MAPK8IP2: variants seen among roughly 807,000 people sequenced by gnomAD.
MAPK8IP2 encodes C-Jun-amino-terminal kinase-interacting protein 2.
Under a neutral mutation model 75.6 loss-of-function variants are expected in MAPK8IP2, and 15 were observed. The observed-to-expected ratio is 0.20, with a 90% CI of 0.13 to 0.31. The LOEUF (loss-of-function observed/expected upper bound fraction) is 0.31. MAPK8IP2 is among the 10% of genes least tolerant of loss of function. MAPK8IP2 has a pLI of 1.00. For synonymous variants in MAPK8IP2, 632 were observed against 554.5 expected (o/e 1.14, Z -1.96); for missense variants, 1,089 against 1,211.2 (o/e 0.90, Z 1.50).
rs2071178288 is a variant in MAPK8IP2, at chr22:50,613,180, C to T, written c.*2401C>T. 6.6e-6 allele frequency: 1 copy of T among 152,362 alleles called. No individual in the cohort carries two copies. The allele number at this position is 152,362 out of a possible 1,614,324, so 9.4% of individuals were successfully genotyped here. On this transcript the variant is annotated 3_prime_UTR_variant, in exon 12 of 12. Coordinates refer to ENST00000329492, the MANE Select transcript of MAPK8IP2 (RefSeq NM_012324.6). ...CCCTGTGCAGACCACTGGGCAGATC[C>T]AGCTGACCTCCAGGGGCACTTCCTC... is the stretch of plus-strand genomic sequence containing the variant.
rs2071028203 is a variant in MAPK8IP2, at chr22:50,605,253, G to A, written c.1766-115G>A. On this transcript the variant is annotated intron_variant, in intron 5 of 11. Coordinates refer to ENST00000329492, the MANE Select transcript of MAPK8IP2 (RefSeq NM_012324.6). ...TGCCTCAGCTCCTTCCCGCTCGTAG[G>A]ACACCTACACCGGACTGTGGAGGGG... 4.0e-5 allele frequency: 46 copies of A among 1,160,586 alleles called. 1 individual carries two copies. In the South Asian group the frequency reaches 5.9e-4, roughly 15 times the overall value. The allele number at this position is 1,160,586 out of a possible 1,614,324, so 71.9% of individuals were successfully genotyped here. A position where few individuals can be genotyped will look rare whatever the true frequency, so the allele number is the denominator to read the frequency against.
rs2146689333 is a variant in MAPK8IP2 at position 50,606,932 on chromosome 22, C to T, written c.2244C>T (p.Cys748=). The T allele has an allele frequency of 1.9e-6, 3 of 1,613,872 alleles. No individual in the cohort carries two copies. The highest frequency in any genetic ancestry group is 1.1e-5 in the South Asian group (1 of 91,086). ...LSGGGPEFQR[C]SHFFQMKNIS... is the part of the protein sequence containing the mutation. ...CACCTCTGCTCTAGTTCCAGCGCTG[C>T]AGCCATTTCTTCCAGATGAAGAACA... Residue 748 remains cysteine (C), a synonymous_variant, in exon 10 of 12, where the codon TGC becomes TGT. Transcript: ENST00000329492.
chr22:50,604,646 G>T lies in MAPK8IP2; in HGVS notation c.1347G>T (p.Leu449=). Residue 449 remains leucine (L), a synonymous_variant, in exon 5 of 12, where the codon CTG becomes CTT. Transcript: ENST00000329492. ...SNPTRDTITP[L]WAAPGRAARP... ...CCACGCGTGACACCATCACGCCGCT[G>T]TGGGCCGCGCCCGGCCGCGCCGCCC... is the stretch of plus-strand genomic sequence containing the variant. 1.3e-6 allele frequency: 2 copies of T among 1,520,470 alleles called. No homozygotes were observed. The highest frequency in any genetic ancestry group is 1.8e-6 in the Non-Finnish European group (2 of 1,139,372). The allele number at this position is 1,520,470 out of a possible 1,614,324, so 94.2% of individuals were successfully genotyped here.
rs372723789 is a variant in MAPK8IP2 at position 50,610,818 on chromosome 22, C to A, written c.*39C>A. ...CTGTCTCCTGGCCGTCTGCTCCAGGCGCAGCTGGGGCTGAGGATGTCTCAA... is the reference window on the plus strand; with the variant it reads ...CTGTCTCCTGGCCGTCTGCTCCAGGAGCAGCTGGGGCTGAGGATGTCTCAA... On this transcript the variant is annotated 3_prime_UTR_variant, in exon 12 of 12. Transcript: ENST00000329492. The surrounding 1 kb of genome is among the most constrained non-coding windows in gnomAD (Gnocchi z 4.3). The A allele has an allele frequency of 6.4e-5, 98 of 1,522,534 alleles. No individual in the cohort carries two copies. In the African/African-American group the frequency reaches 1.0e-3, roughly 16 times the overall value. 94.3% of individuals were successfully genotyped at this position (1,522,534 alleles called of 1,614,324 possible).
In MAPK8IP2 at chr22:50,600,903, G is replaced by C; in HGVS notation, c.65+20G>C. 1 of 1,216,074 alleles carries C rather than the reference G, an allele frequency of 8.2e-7. No individual in the cohort carries two copies. 75.3% of individuals were successfully genotyped at this position (1,216,074 alleles called of 1,614,324 possible). A position where few individuals can be genotyped will look rare whatever the true frequency, so the allele number is the denominator to read the frequency against. ...CTGCAGGTACCCCCCTCGGCGCCCG[G>C]GCCGGGCGGACCCTCCGCTCCCTGC... is the stretch of plus-strand genomic sequence containing the variant. On this transcript the variant is annotated intron_variant, in intron 1 of 11. Coordinates refer to ENST00000329492, the MANE Select transcript of MAPK8IP2 (RefSeq NM_012324.6).
Position 50,605,818 on chromosome 22 carries a change from T to TC in MAPK8IP2, c.2015-3dup, listed in dbSNP as rs2071040826. 1 of 1,590,336 alleles carries TC rather than the reference T, an allele frequency of 6.3e-7. No homozygotes were observed. Among genetic ancestry groups the TC allele is most frequent in the Admixed American group, 1.8e-5 (1 of 56,122 alleles). On this transcript the variant is annotated splice_polypyrimidine_tract_variant and splice_region_variant and intron_variant, in intron 7 of 11. Transcript: ENST00000329492. The stretch of plus-strand genomic sequence containing the variant: ...CTGACCTGGGCCCTCTGTGCCCCGC[T>TC]CCCCAGGGAGTAAGCGGAGCCCCTG...
intron 10 of MAPK8IP2, among the ~76,000 whole-genome samples, chr22:50,609,552 C>T (rs574173458): frequency 9.9e-5 from 15 of 151,430 alleles, no homozygotes; most frequent in East Asian, 3.9e-4. Flanking sequence ...TTGGTGGAAT[C>T]GCAAAGCCCC....
In MAPK8IP2 at chr22:50,611,726, C is replaced by T. The variant is rs1041531388; in HGVS notation, c.*947C>T. The stretch of plus-strand genomic sequence containing the variant: ...TGCTCTGGGGCCTTATCTGAGGTGC[C>T]GTATCTAGAAGCACCCTTGGGAATT... On this transcript the variant is annotated 3_prime_UTR_variant, in exon 12 of 12. Coordinates refer to ENST00000329492, the MANE Select transcript of MAPK8IP2 (RefSeq NM_012324.6). The surrounding 1 kb of genome is among the most constrained non-coding windows in gnomAD (Gnocchi z 5.5). 3 of 152,152 alleles carry T rather than the reference C, an allele frequency of 2.0e-5. No individual in the cohort carries two copies. The highest frequency in any genetic ancestry group is 7.2e-5 in the African/African-American group (3 of 41,416). The allele number at this position is 152,152 out of a possible 1,614,324, so 9.4% of individuals were successfully genotyped here.
Position 50,610,949 on chromosome 22 carries a change from C to G in MAPK8IP2, c.*170C>G, listed in dbSNP as rs2071139498. ...CTCGTCCTCGGTCCCCAGGGCGCAGCTGTTGGGGCTGCGGGGGAGTGGAGC... is the reference window on the plus strand; with the variant it reads ...CTCGTCCTCGGTCCCCAGGGCGCAGGTGTTGGGGCTGCGGGGGAGTGGAGC... On this transcript the variant is annotated 3_prime_UTR_variant, in exon 12 of 12. Transcript: ENST00000329492. The surrounding 1 kb of genome is among the most constrained non-coding windows in gnomAD (Gnocchi z 4.3). 14 of 588,254 alleles carry G rather than the reference C, an allele frequency of 2.4e-5. No individual in the cohort carries two copies. The South Asian group carries it at 2.8e-4, about 12-fold the overall frequency. 36.4% of individuals were successfully genotyped at this position (588,254 alleles called of 1,614,324 possible). A position where few individuals can be genotyped will look rare whatever the true frequency, so the allele number is the denominator to read the frequency against.
intron 10 of MAPK8IP2, among the ~76,000 whole-genome samples, chr22:50,608,743 G>A (rs1383430439): frequency 1.3e-5 from 2 of 149,722 alleles, no homozygotes; most frequent in African/African-American, 2.5e-5. Flanking sequence ...CAGACAGTGG[G>A]GCCAGCTCTG....
At chr22:50,600,936 C>G in intron 1 of MAPK8IP2, 53 bp downstream of exon 1, 4 of 723,438 alleles carry the variant, frequency 5.5e-6, no homozygotes, top group Non-Finnish European at 7.1e-6. Flanking sequence ...TGCGCACCCC[C>G]CCGACCCCGA....
rs1186254738 is a variant in MAPK8IP2 at position 50,610,784 on chromosome 22, C to T, written c.*5C>T. 1 of 1,603,348 alleles carries T rather than the reference C, an allele frequency of 6.2e-7. No individual in the cohort carries two copies. ...GAGGACATCTACCTGGAGTAGCCTG[C>T]CCACCGCTCTGTCTCCTGGCCGTCT... On this transcript the variant is annotated 3_prime_UTR_variant, in exon 12 of 12. Transcript: ENST00000329492. The surrounding 1 kb of genome is among the most constrained non-coding windows in gnomAD (Gnocchi z 4.3).
rs1337625098 is a variant in MAPK8IP2, at chr22:50,600,894, C to CGGCGCCCGGGCCG, written c.65+16_65+28dup. The stretch of plus-strand genomic sequence containing the variant: ...GCCGCCGGGCTGCAGGTACCCCCCT[C>CGGCGCCCGGGCCG]GGCGCCCGGGCCGGGCGGACCCTCC... On this transcript the variant is annotated intron_variant, in intron 1 of 11. Coordinates refer to ENST00000329492, the MANE Select transcript of MAPK8IP2 (RefSeq NM_012324.6). The CGGCGCCCGGGCCG allele has an allele frequency of 8.1e-7, 1 of 1,241,080 alleles. No homozygotes were observed. Among genetic ancestry groups the CGGCGCCCGGGCCG allele is most frequent in the Non-Finnish European group, 1.0e-6 (1 of 962,444 alleles). 76.9% of individuals were successfully genotyped at this position (1,241,080 alleles called of 1,614,324 possible).
Position 50,612,369 on chromosome 22 carries a change from G to A in MAPK8IP2, c.*1590G>A, listed in dbSNP as rs1397048327. On this transcript the variant is annotated 3_prime_UTR_variant, in exon 12 of 12. Coordinates refer to ENST00000329492, the MANE Select transcript of MAPK8IP2 (RefSeq NM_012324.6). Reference sequence around the variant, plus strand: ...GGGTCAGCATGGCCGGGGTCCCTCTGTCTGAGCCCAGGATTCGTGCAACAC... The same window carrying A: ...GGGTCAGCATGGCCGGGGTCCCTCTATCTGAGCCCAGGATTCGTGCAACAC... The A allele has an allele frequency of 6.6e-6, 1 of 152,158 alleles. No homozygotes were observed. Among genetic ancestry groups the A allele is most frequent in the Non-Finnish European group, 1.5e-5 (1 of 68,030 alleles). 9.4% of individuals were successfully genotyped at this position (152,158 alleles called of 1,614,324 possible). A position where few individuals can be genotyped will look rare whatever the true frequency, so the allele number is the denominator to read the frequency against.
chr22:50,606,813 G>T (rs1004625551), intron 9 of MAPK8IP2, 48 bp downstream of exon 9: 1 of 1,591,998 alleles, frequency 6.3e-7, no homozygotes, highest in African/African-American at 1.3e-5. Context: ...ATAGGGTTAG[G>T]CCACGGAGTC....
At position 50,612,565 on chromosome 22, in the gene MAPK8IP2, G is replaced by C. The variant is rs1478441352; in HGVS notation, c.*1786G>C. Reference sequence around the variant, plus strand: ...GCATCATGATCCAGAGGTTCAGCCCGTGTGCAGCGCACAGACCTGAGGCCC... The same window carrying C: ...GCATCATGATCCAGAGGTTCAGCCCCTGTGCAGCGCACAGACCTGAGGCCC... On this transcript the variant is annotated 3_prime_UTR_variant, in exon 12 of 12. Coordinates refer to ENST00000329492, the MANE Select transcript of MAPK8IP2 (RefSeq NM_012324.6). 2 of 152,368 alleles carry C rather than the reference G, an allele frequency of 1.3e-5. No homozygotes were observed. The highest frequency in any genetic ancestry group is 2.9e-5 in the Non-Finnish European group (2 of 68,070). 9.4% of individuals were successfully genotyped at this position (152,368 alleles called of 1,614,324 possible).
Position 50,610,092 on chromosome 22 carries a change from C to A in MAPK8IP2, c.2304-120C>A. The A allele has an allele frequency of 2.6e-6, 2 of 769,872 alleles. No homozygotes were observed. The highest frequency in any genetic ancestry group is 4.5e-6 in the Non-Finnish European group (2 of 442,452). 47.7% of individuals were successfully genotyped at this position (769,872 alleles called of 1,614,324 possible). A position where few individuals can be genotyped will look rare whatever the true frequency, so the allele number is the denominator to read the frequency against. ...ATCTTGAAATTGTGCGACCCCCACA[C>A]TCCTGTCCCTTACCCTCTCCCCAAG... is the stretch of plus-strand genomic sequence containing the variant. On this transcript the variant is annotated intron_variant, in intron 10 of 11. Transcript: ENST00000329492. This position sits in a 1 kb window ranked among gnomAD's most constrained non-coding sequence, Gnocchi z 4.3.
At chr22:50,608,122 G>T (rs2071080169) in intron 10 of MAPK8IP2, among the ~76,000 whole-genome samples, 1 of 152,224 alleles carries the variant, frequency 6.6e-6, no homozygotes, top group Non-Finnish European at 1.5e-5. Context: ...GCATCTTGGG[G>T]GCCTTGTGGA....
intron 10 of MAPK8IP2, among the ~76,000 whole-genome samples, chr22:50,608,719 G>GGCCAGCTCTGGGGT (rs2071093070): frequency 6.8e-6 from 1 of 147,318 alleles, no homozygotes; most frequent in African/African-American, 2.5e-5. Context: ...GGGACAGTGG[G>GGCCAGCTCTGGGGT]CACGGGCGCA....
Sources: allele counts gnomAD v4.1 joint callset (sites outside exome capture counted in the v4.1 genomes callset), GRCh38; gene constraint gnomAD v4.1.1; non-coding constraint Gnocchi (gnomAD v3.1); transcripts MANE v1.5; gene names NCBI Gene and HGNC (gene_info 2026-07-23, HGNC 2026-07-21).